Variants in MAPK4 observed in about 807,000 individuals in gnomAD.
MAPK4 encodes the protein mitogen-activated protein kinase 4.
A neutral mutation model predicts 47.7 loss-of-function variants in MAPK4; 22 were observed. That is an observed-to-expected ratio of 0.46 (90% CI 0.33 to 0.66). The LOEUF (loss-of-function observed/expected upper bound fraction) is 0.66, where lower values mean the gene tolerates loss of function less well. Ranked by LOEUF, MAPK4 falls within the 30% of genes least tolerant of loss-of-function variation. MAPK4 has a pLI of 0.02. For missense variants in MAPK4, 736 were observed against 831.7 expected, an observed-to-expected ratio of 0.88 and a Z score of 1.42; for synonymous variants, 390 against 365.7, an observed-to-expected ratio of 1.07 and a Z score of -0.76.
intron 1 of MAPK4, among the ~76,000 whole-genome samples, chr18:50,643,835 C>G (rs1459832323): frequency 6.6e-6 from 1 of 152,182 alleles, no homozygotes; most frequent in East Asian, 1.9e-4. Context: ...ACGGCTGCCC[C>G]CTGCACCTAC....
At chr18:50,572,649 G>A (rs1254276255) in intron 1 of MAPK4, among the ~76,000 whole-genome samples, 4 of 152,032 alleles carry the variant, frequency 2.6e-5, no homozygotes, top group Non-Finnish European at 4.4e-5. Context: ...AAAGTCCGTT[G>A]TCTTTTCTTT....
chr18:50,626,679 C>CGA (rs1355605589), intron 1 of MAPK4, among the ~76,000 whole-genome samples: 1 of 152,124 alleles, frequency 6.6e-6, no homozygotes, highest in African/African-American at 2.4e-5. Flanking sequence ...AAACCTGGAA[C>CGA]GAGACCAGGC....
At chr18:50,706,650 G>T (rs1227718256) in intron 2 of MAPK4, among the ~76,000 whole-genome samples, 1 of 152,116 alleles carries the variant, frequency 6.6e-6, no homozygotes, top group Non-Finnish European at 1.5e-5. Flanking sequence ...AATCACTTTG[G>T]CCTAGCAGGG....
intron 1 of MAPK4, among the ~76,000 whole-genome samples, chr18:50,562,853 C>G (rs1167717729): frequency 6.6e-6 from 1 of 152,118 alleles, no homozygotes; most frequent in Non-Finnish European, 1.5e-5. Flanking sequence ...AAGCCAGGAG[C>G]AAATTCCTCC....
At chr18:50,613,796 C>T (rs1051314954) in intron 1 of MAPK4, among the ~76,000 whole-genome samples, 8 of 152,132 alleles carry the variant, frequency 5.3e-5, no homozygotes, top group Non-Finnish European at 2.9e-5. Flanking sequence ...TACTTTTATA[C>T]TATTGTGGGC....
intron 1 of MAPK4, among the ~76,000 whole-genome samples, chr18:50,565,526 A>G (rs1191554379): frequency 1.3e-5 from 2 of 152,358 alleles, no homozygotes; most frequent in Non-Finnish European, 1.5e-5. Flanking sequence ...ATGTCCTTGC[A>G]TTAAAACAGG....
rs775090015 is a variant in MAPK4, at chr18:50,726,044, G to C, written c.936G>C (p.Met312Ile). The stretch of plus-strand genomic sequence containing the variant: ...AGATGGGGCTGCAACACCCCTACAT[G>C]AGCCCATACTCGTGCCCTGAGGACG... ...TAEMGLQHPY[M>I]SPYSCPEDEP... The change falls in exon 5 of 6, where the codon ATG becomes ATC. Residue 312 changes from methionine to isoleucine, a missense_variant. Met to Ile is a conservative substitution (Grantham distance 10, BLOSUM62 1). Transcript: ENST00000400384. 3.1e-6 allele frequency: 5 copies of C among 1,613,854 alleles called. No homozygotes were observed. The highest frequency in any genetic ancestry group is 4.2e-6 in the Non-Finnish European group (5 of 1,180,004).
chr18:50,643,517 C>T (rs1002521255), intron 1 of MAPK4, among the ~76,000 whole-genome samples: 5 of 152,222 alleles, frequency 3.3e-5, no homozygotes, highest in African/African-American at 1.2e-4. Context: ...AATGAAACTC[C>T]ATCTCTAAAT....
At chr18:50,705,030 G>A (rs1305703011) in intron 2 of MAPK4, 1 of 363,626 alleles carries the variant, frequency 2.8e-6, no homozygotes. Flanking sequence ...AAGATTAGCA[G>A]CCTGAGGGGT....
intron 1 of MAPK4, among the ~76,000 whole-genome samples, chr18:50,622,406 G>A (rs1334778652): frequency 6.6e-6 from 1 of 152,200 alleles, no homozygotes; most frequent in African/African-American, 2.4e-5. Flanking sequence ...GTCCTTCAGA[G>A]TTGCCCCTAG....
At chr18:50,723,509 C>T (rs141073723) in intron 4 of MAPK4, among the ~76,000 whole-genome samples, 2 of 152,158 alleles carry the variant, frequency 1.3e-5, no homozygotes, top group Admixed American at 1.3e-4. Context: ...GGGGAAACCA[C>T]TGAAGGCAGA....
At chr18:50,687,056 C>A (rs1568080983) in intron 2 of MAPK4, among the ~76,000 whole-genome samples, 1 of 152,162 alleles carries the variant, frequency 6.6e-6, no homozygotes, top group Non-Finnish European at 1.5e-5. Context: ...AATTCACATA[C>A]CTTTTGCCCA....
At chr18:50,688,851 A>G (rs949086843) in intron 2 of MAPK4, among the ~76,000 whole-genome samples, 13 of 150,464 alleles carry the variant, frequency 8.6e-5, no homozygotes, top group African/African-American at 2.9e-4. Flanking sequence ...TTACTCATAT[A>G]ACCAAATACC....
intron 1 of MAPK4, among the ~76,000 whole-genome samples, chr18:50,649,558 C>T (rs556741725): frequency 6.6e-6 from 1 of 152,282 alleles, no homozygotes; most frequent in African/African-American, 2.4e-5. Flanking sequence ...CTCTCCCTGT[C>T]CAGCCTTTAC....
intron 1 of MAPK4, among the ~76,000 whole-genome samples, chr18:50,649,505 A>T (rs2043025361): frequency 6.6e-6 from 1 of 152,108 alleles, no homozygotes; most frequent in Non-Finnish European, 1.5e-5. Flanking sequence ...TCAACACAGG[A>T]GAGGCAGCCC....
chr18:50,605,772 G>A (rs997822009), intron 1 of MAPK4, among the ~76,000 whole-genome samples: 19 of 152,278 alleles, frequency 1.2e-4, no homozygotes, highest in African/African-American at 4.1e-4. Flanking sequence ...GCCTGCGCTC[G>A]TTCCTCCATA....
chr18:50,680,586 G>C lies in MAPK4; in HGVS notation c.546+16082G>C, dbSNP rs74772281. Reference sequence around the variant, plus strand: ...CCTTCAGCATCACCTGTCCCCACAAGGTCCCTCATCCCCCAACCTTAGACA... The same window carrying C: ...CCTTCAGCATCACCTGTCCCCACAACGTCCCTCATCCCCCAACCTTAGACA... On this transcript the variant is annotated intron_variant, in intron 2 of 5. Coordinates refer to ENST00000400384, the MANE Select transcript of MAPK4 (RefSeq NM_002747.4). Among the ~76,000 whole-genome samples the C allele has an allele frequency of 2.7e-3, 403 of 151,574 alleles. 11 individuals carry two copies. The East Asian group carries it at 0.034, about 13-fold the overall frequency.
At chr18:50,688,396 A>G (rs1909008727) in intron 2 of MAPK4, among the ~76,000 whole-genome samples, 1 of 152,206 alleles carries the variant, frequency 6.6e-6, no homozygotes, top group South Asian at 2.1e-4. Context: ...CCTATCTCTA[A>G]AGAGCTGAGG....
chr18:50,718,774 A>G (rs1439410484), intron 3 of MAPK4, among the ~76,000 whole-genome samples: 1 of 152,112 alleles, frequency 6.6e-6, no homozygotes, highest in Non-Finnish European at 1.5e-5. Context: ...TTAATGTAAC[A>G]TTAAGTAACA....
Sources: allele counts gnomAD v4.1 joint callset (sites outside exome capture counted in the v4.1 genomes callset), GRCh38; gene constraint gnomAD v4.1.1; transcripts MANE v1.5; gene names NCBI Gene and HGNC (gene_info 2026-07-23, HGNC 2026-07-21).